Variants in OSBP2 observed in about 807,000 individuals in gnomAD.
OSBP2 encodes oxysterol-binding protein 2.
OSBP2 carries 66 observed loss-of-function variants against 96.0 expected under a neutral mutation model. The observed-to-expected ratio is 0.69, with a 90% CI of 0.56 to 0.84. The LOEUF is 0.84. Among genes scored for constraint, OSBP2 ranks in the 40% least tolerant of loss-of-function variants. The pLI, the probability that OSBP2 is intolerant of heterozygous loss-of-function variation, is 0.00. For synonymous variants in OSBP2, 525 were observed against 520.9 expected (o/e 1.01, Z -0.11); for missense variants, 1,038 against 1,222.7 (o/e 0.85, Z 2.25).
At chr22:30,743,341 T>C (rs2089963348) in intron 2 of OSBP2, among the ~76,000 whole-genome samples, 1 of 152,200 alleles carries the variant, frequency 6.6e-6, no homozygotes, top group Admixed American at 6.5e-5. Flanking sequence ...GCTTTCTCTT[T>C]TGTCTCACTC....
chr22:30,772,853 C>T (rs539959759), intron 2 of OSBP2, among the ~76,000 whole-genome samples: 59 of 149,486 alleles, frequency 3.9e-4, no homozygotes, highest in African/African-American at 1.4e-3. Flanking sequence ...AGTGCAGTGG[C>T]GTGGTCTTGG....
chr22:30,722,165 T>C (rs1361553456), intron 1 of OSBP2, among the ~76,000 whole-genome samples: 1 of 152,224 alleles, frequency 6.6e-6, no homozygotes, highest in East Asian at 1.9e-4. Flanking sequence ...CTCATTCCTC[T>C]GCCTGGCTCC....
intron 2 of OSBP2, among the ~76,000 whole-genome samples, chr22:30,796,898 A>G (rs1170486197): frequency 1.3e-5 from 2 of 152,204 alleles, no homozygotes; most frequent in African/African-American, 2.4e-5. Context: ...CATTAAATAT[A>G]TTAGTGTTGT....
chr22:30,895,090 C>T (rs1190226359), intron 12 of OSBP2, among the ~76,000 whole-genome samples: 1 of 152,092 alleles, frequency 6.6e-6, no homozygotes, highest in Non-Finnish European at 1.5e-5. Context: ...TGTGGCTGCA[C>T]AGTACGAAGA....
chr22:30,753,108 A>G (rs1032890510), intron 2 of OSBP2, among the ~76,000 whole-genome samples: 42 of 152,254 alleles, frequency 2.8e-4, no homozygotes, highest in African/African-American at 9.6e-4. Context: ...TTACAGCCCT[A>G]TATGAACTCA....
intron 2 of OSBP2, among the ~76,000 whole-genome samples, chr22:30,787,345 C>A (rs1372331144): frequency 6.6e-6 from 1 of 152,020 alleles, no homozygotes; most frequent in Non-Finnish European, 1.5e-5. Context: ...CTTATAAAAC[C>A]GTCAGATCTC....
chr22:30,740,359 A>G (rs957499528), intron 1 of OSBP2, among the ~76,000 whole-genome samples: 1 of 152,112 alleles, frequency 6.6e-6, no homozygotes, highest in African/African-American at 2.4e-5. Flanking sequence ...AAAATATCTC[A>G]AGCACTGCTC....
At chr22:30,797,582 C>CAATT (rs2090782323) in intron 2 of OSBP2, among the ~76,000 whole-genome samples, 1 of 148,586 alleles carries the variant, frequency 6.7e-6, no homozygotes, top group East Asian at 2.0e-4. Context: ...ACACCTGGCC[C>CAATT]TATTTATTTT....
rs532010662 is a variant in OSBP2, at chr22:30,868,737, G to A, written c.854-1692G>A. ...TGGCCAGAGGGGGACAGGGTATGCC[G>A]TGGGCACCCTCCTCAGCTCCCCTTG... On this transcript the variant is annotated intron_variant, in intron 2 of 13. Transcript: ENST00000332585. 5.9e-5 allele frequency among the ~76,000 whole-genome samples: 9 copies of A among 152,280 alleles called. No homozygotes were observed. In the East Asian group the frequency reaches 1.4e-3, roughly 23 times the overall value.
intron 1 of OSBP2, among the ~76,000 whole-genome samples, chr22:30,722,660 C>T (rs1409917840): frequency 1.4e-5 from 2 of 147,106 alleles, no homozygotes; most frequent in East Asian, 2.0e-4. Context: ...TCCTTCCTTC[C>T]CTCTCTTTTT....
At chr22:30,825,203 C>T (rs2038371840) in intron 2 of OSBP2, among the ~76,000 whole-genome samples, 1 of 152,126 alleles carries the variant, frequency 6.6e-6, no homozygotes, top group South Asian at 2.1e-4. Context: ...ACCTACTTAC[C>T]TTGGCTGGGC....
intron 3 of OSBP2, among the ~76,000 whole-genome samples, chr22:30,874,478 G>A (rs1041309385): frequency 2.6e-5 from 4 of 152,220 alleles, no homozygotes; most frequent in Admixed American, 2.6e-4. Flanking sequence ...TTTGGGAAAG[G>A]ACATTGATAT....
At chr22:30,730,808 A>ATATATATATATATG (rs1491303061) in intron 1 of OSBP2, among the ~76,000 whole-genome samples, 1 of 39,342 alleles carries the variant, frequency 2.5e-5, no homozygotes, top group Non-Finnish European at 4.4e-5. Context: ...ATATATATAT[A>ATATATATATATATG]ATTTTTTTTT....
chr22:30,836,761 G>A (rs913830638), intron 2 of OSBP2, among the ~76,000 whole-genome samples: 4 of 152,122 alleles, frequency 2.6e-5, no homozygotes, highest in African/African-American at 4.8e-5. Flanking sequence ...AATTGGGAGA[G>A]GAGAGACTCC....
At chr22:30,903,690 G>A (rs1569177027) in intron 12 of OSBP2, among the ~76,000 whole-genome samples, 1 of 152,242 alleles carries the variant, frequency 6.6e-6, no homozygotes, top group African/African-American at 2.4e-5. Flanking sequence ...GCACTTTGAG[G>A]GTTGGGGGAT....
intron 2 of OSBP2, among the ~76,000 whole-genome samples, chr22:30,859,713 G>C (rs1023822268): frequency 4.6e-5 from 7 of 152,258 alleles, no homozygotes; most frequent in Admixed American, 2.0e-4. Context: ...CCAAATCGTA[G>C]AGACTGGGAA....
At chr22:30,775,870 A>G (rs2090427611) in intron 2 of OSBP2, among the ~76,000 whole-genome samples, 1 of 151,252 alleles carries the variant, frequency 6.6e-6, no homozygotes, top group African/African-American at 2.4e-5. Context: ...ATCTCTGCTC[A>G]TTGCAACTTG....
chr22:30,870,191 G>A lies in OSBP2; in HGVS notation c.854-238G>A, dbSNP rs2039428807. On this transcript the variant is annotated intron_variant, in intron 2 of 13. Coordinates refer to ENST00000332585, the MANE Select transcript of OSBP2 (RefSeq NM_030758.4). The surrounding 1 kb of genome is among the most constrained non-coding windows in gnomAD (Gnocchi z 4.1). ...GTCCCGGCCCTGCCATTCAATCTGG[G>A]CTCTCTTTACAGTCCTTCCCACTGA... 6.6e-6 allele frequency among the ~76,000 whole-genome samples: 1 copy of A among 152,154 alleles called. No homozygotes were observed.
chr22:30,780,916 G>T (rs1343056772), intron 2 of OSBP2, among the ~76,000 whole-genome samples: 1 of 152,184 alleles, frequency 6.6e-6, no homozygotes, highest in African/African-American at 2.4e-5. Flanking sequence ...GCTTTCCCAG[G>T]AGGTGGGAGG....
Sources: gnomAD v4.1 joint callset for allele counts (sites outside exome capture counted in the v4.1 genomes callset) on GRCh38, gnomAD v4.1.1 for gene constraint, Gnocchi (gnomAD v3.1) non-coding constraint, MANE v1.5 for transcripts, NCBI Gene and HGNC (gene_info 2026-07-23, HGNC 2026-07-21) for gene names.